The following ZFHX3 variants were observed in gnomAD, a reference collection of about 807,000 sequenced individuals.
ZFHX3 encodes the protein zinc finger homeobox protein 3.
Under a neutral mutation model 279.1 loss-of-function variants are expected in ZFHX3, and 42 were observed. The ratio of observed to expected loss-of-function variants is 0.15; its 90% CI spans 0.12 to 0.19. The LOEUF (loss-of-function observed/expected upper bound fraction) is 0.19, where lower values mean the gene tolerates loss of function less well. ZFHX3 is among the 10% of genes least tolerant of loss of function. ZFHX3 has a pLI of 1.00. For synonymous variants in ZFHX3, 2,293 were observed against 1,957.8 expected, an observed-to-expected ratio of 1.17 and a Z score of -4.52; for missense variants, 4,981 against 4,754.0, an observed-to-expected ratio of 1.05 and a Z score of -1.40.
chr16:72,841,160 C>T (rs1241077829), intron 4 of ZFHX3, among the ~76,000 whole-genome samples: 1 of 152,212 alleles, frequency 6.6e-6, no homozygotes, highest in Non-Finnish European at 1.5e-5. Flanking sequence ...CTAACTCTGC[C>T]AGAAGCCAGA....
chr16:72,990,407 C>T (rs927058043), intron 1 of ZFHX3, among the ~76,000 whole-genome samples: 4 of 152,202 alleles, frequency 2.6e-5, no homozygotes, highest in African/African-American at 7.2e-5. Flanking sequence ...GTGCCCCTGC[C>T]TCCAAGGCCC....
intron 1 of ZFHX3, among the ~76,000 whole-genome samples, chr16:73,032,675 A>G (rs1964749022): frequency 6.9e-6 from 1 of 145,864 alleles, no homozygotes; most frequent in South Asian, 2.2e-4. Flanking sequence ...CAGCATTTAA[A>G]AAAAGAACAG....
At chr16:72,924,536 C>A (rs1395507847) in intron 3 of ZFHX3, among the ~76,000 whole-genome samples, 1 of 152,192 alleles carries the variant, frequency 6.6e-6, no homozygotes, top group African/African-American at 2.4e-5. Context: ...TGAGATGCTG[C>A]TTCCATGACA....
chr16:73,674,098 G>A (rs974363086), intron 2 of ZFHX3, among the ~76,000 whole-genome samples: 1 of 152,214 alleles, frequency 6.6e-6, no homozygotes, highest in African/African-American at 2.4e-5. Context: ...CTCGAAGGAA[G>A]GGGCCAAATC....
chr16:72,835,656 G>A (rs1347406823), intron 4 of ZFHX3, among the ~76,000 whole-genome samples: 5 of 152,202 alleles, frequency 3.3e-5, no homozygotes, highest in South Asian at 4.2e-4. Flanking sequence ...GACTGACACG[G>A]AGGATGGCAG....
At chr16:73,667,324 G>T (rs911043095) in intron 2 of ZFHX3, among the ~76,000 whole-genome samples, 15 of 152,184 alleles carry the variant, frequency 9.9e-5, no homozygotes, top group African/African-American at 3.6e-4. Context: ...ACTAGTTGAA[G>T]GACACCTGGA....
At chr16:73,409,593 T>A (rs2017426975) in intron 3 of ZFHX3, among the ~76,000 whole-genome samples, 1 of 152,160 alleles carries the variant, frequency 6.6e-6, no homozygotes, top group Admixed American at 6.5e-5. Context: ...AGCTACCATA[T>A]GGTCCAGCAA....
chr16:73,358,685 G>A (rs1030862979), intron 3 of ZFHX3, among the ~76,000 whole-genome samples: 2 of 152,174 alleles, frequency 1.3e-5, no homozygotes, highest in African/African-American at 4.8e-5. Flanking sequence ...ATGCAGACAG[G>A]GTACGCTTTA....
exon 1 of ZFHX3, chr16:73,059,556 C>CTCTCTCTCTCTG (rs1341772385): frequency 6.8e-6 from 1 of 146,234 alleles, no homozygotes; most frequent in Non-Finnish European, 1.5e-5. Context: ...CTCTCTCTCT[C>CTCTCTCTCTCTG]TCTCTCTAAG....
At chr16:73,743,077 G>A (rs1030490323) in intron 1 of ZFHX3, among the ~76,000 whole-genome samples, 4 of 152,210 alleles carry the variant, frequency 2.6e-5, no homozygotes, top group South Asian at 2.1e-4. Context: ...CACATAAAGT[G>A]AGAGTGTGTA....
intron 1 of ZFHX3, among the ~76,000 whole-genome samples, chr16:73,821,373 G>A (rs1477884611): frequency 4.6e-5 from 7 of 152,142 alleles, no homozygotes; most frequent in Admixed American, 3.9e-4. Flanking sequence ...TTTCTAAAGG[G>A]GCACTGGAAT....
At position 72,794,815 on chromosome 16, in the gene ZFHX3, T is replaced by G. The variant is rs373530635; in HGVS notation, c.7867A>C (p.Ser2623Arg). 10 of 1,614,024 alleles carry G rather than the reference T, an allele frequency of 6.2e-6. No individual in the cohort carries two copies. The highest frequency in any genetic ancestry group is 8.5e-6 in the Non-Finnish European group (10 of 1,180,032). The change falls in exon 9 of 10, where the codon AGT becomes CGT. Residue 2623 changes from serine to arginine, a missense_variant. By Grantham distance (110) the Ser-to-Arg change is moderately radical. Around this residue, in one of 7 missense-constraint regions of ZFHX3, gnomAD observed 744 missense variants for 701.3 expected, o/e 1.06. Coordinates refer to ENST00000268489, the MANE Select transcript of ZFHX3 (RefSeq NM_006885.4). This position sits in a 1 kb window ranked among gnomAD's most constrained non-coding sequence, Gnocchi z 4.2. ...TLKRKLEEKA[S>R]ASPGENDSGT... is the part of the protein sequence containing the mutation. ...CTGTCGTTTTCGCCAGGGCTTGCAC[T>G]GGCCTTTTCCTCCAGCTTCCTCTTG...
At chr16:73,790,693 C>T (rs933347676) in intron 1 of ZFHX3, among the ~76,000 whole-genome samples, 3 of 152,212 alleles carry the variant, frequency 2.0e-5, no homozygotes, top group African/African-American at 7.2e-5. Flanking sequence ...TGCCAATCTT[C>T]ATGGAAATTT....
chr16:73,108,264 G>A (rs2144795825), intron 7 of ZFHX3, among the ~76,000 whole-genome samples: 2 of 152,136 alleles, frequency 1.3e-5, no homozygotes, highest in East Asian at 3.9e-4. Context: ...GGCCTGGGAG[G>A]TTGAGGCTGC....
intron 3 of ZFHX3, among the ~76,000 whole-genome samples, chr16:73,406,691 C>T (rs1442336459): frequency 6.6e-6 from 1 of 152,220 alleles, no homozygotes; most frequent in Admixed American, 6.5e-5. Context: ...GTATCTGGAA[C>T]ACTCTGAGTG....
intron 1 of ZFHX3, among the ~76,000 whole-genome samples, chr16:73,776,764 T>C (rs1188258111): frequency 6.6e-6 from 1 of 152,198 alleles, no homozygotes; most frequent in African/African-American, 2.4e-5. Flanking sequence ...TCAGCCATGA[T>C]TGCAAATAAA....
chr16:73,889,945 G>T (rs1218623016), intron 1 of ZFHX3, among the ~76,000 whole-genome samples: 1 of 152,110 alleles, frequency 6.6e-6, no homozygotes, highest in Non-Finnish European at 1.5e-5. Context: ...GAGTTGCTTT[G>T]GATTTTCTTT....
At chr16:73,642,427 A>G (rs977844443) in intron 2 of ZFHX3, among the ~76,000 whole-genome samples, 6 of 152,162 alleles carry the variant, frequency 3.9e-5, no homozygotes, top group African/African-American at 1.2e-4. Flanking sequence ...AGTGACCTCC[A>G]TGGGGAAGGT....
At chr16:72,911,248 A>G (rs2039308494) in intron 3 of ZFHX3, among the ~76,000 whole-genome samples, 1 of 152,244 alleles carries the variant, frequency 6.6e-6, no homozygotes, top group Admixed American at 6.5e-5. Flanking sequence ...GTTAATTGGT[A>G]GAAAAAGGTA....
Sources: allele counts gnomAD v4.1 joint callset (sites outside exome capture counted in the v4.1 genomes callset), GRCh38; gene constraint gnomAD v4.1.1; regional missense constraint gnomAD v4.1.1; non-coding constraint Gnocchi (gnomAD v3.1); transcripts MANE v1.5; gene names NCBI Gene and HGNC (gene_info 2026-07-23, HGNC 2026-07-21).